The following VAPB variants were observed in gnomAD, a reference collection of about 807,000 sequenced individuals.
VAPB encodes the protein VAMP associated protein B and C, also known as vesicle-associated membrane protein-associated protein B/C.
VAPB carries 7 observed loss-of-function variants against 25.6 expected under a neutral mutation model. The ratio of observed to expected loss-of-function variants is 0.27; its 90% CI spans 0.16 to 0.51. VAPB has a LOEUF of 0.51. VAPB is among the 20% of genes least tolerant of loss of function. The pLI is 0.97. For missense variants in VAPB, 266 were observed against 301.3 expected (o/e 0.88, Z 0.87); for synonymous variants, 112 against 109.2 (o/e 1.03, Z -0.16).
chr20:58,418,941 G>A lies in VAPB; in HGVS notation c.211+578G>A, dbSNP rs1316964964. 3.9e-5 allele frequency among the ~76,000 whole-genome samples: 6 copies of A among 152,324 alleles called. No individual in the cohort carries two copies. In the East Asian group the frequency reaches 1.2e-3, roughly 29 times the overall value. On this transcript the variant is annotated intron_variant, in intron 2 of 5. Coordinates refer to ENST00000475243, the MANE Select transcript of VAPB (RefSeq NM_004738.5). ...TTTTCTCTTCTGTCTGGGAGTGCAT[G>A]TATTTTCCAAAATCCACCTTTTGAA...
chr20:58,414,435 G>C (rs1216807751), intron 1 of VAPB, among the ~76,000 whole-genome samples: 1 of 149,880 alleles, frequency 6.7e-6, no homozygotes, highest in African/African-American at 2.5e-5. Context: ...AGACGGGGCA[G>C]CCGCCGGGCG....
At chr20:58,423,471 A>G (rs956391371) in intron 2 of VAPB, among the ~76,000 whole-genome samples, 3 of 149,428 alleles carry the variant, frequency 2.0e-5, no homozygotes, top group African/African-American at 7.3e-5. Flanking sequence ...TCCTCAGAGC[A>G]TGAACATCAG....
At chr20:58,411,614 G>A (rs1988380929) in intron 1 of VAPB, among the ~76,000 whole-genome samples, 1 of 152,160 alleles carries the variant, frequency 6.6e-6, no homozygotes, top group African/African-American at 2.4e-5. Context: ...TACGTTTTTG[G>A]TGAGGTGGCT....
intron 2 of VAPB, among the ~76,000 whole-genome samples, chr20:58,429,154 T>TTC (rs557087195): frequency 4.6e-5 from 7 of 151,416 alleles, no homozygotes; most frequent in Non-Finnish European, 4.4e-5. Context: ...TTTTTTTTTT[T>TTC]CCAAAGCAGA....
At chr20:58,428,865 T>C (rs1244201228) in intron 2 of VAPB, among the ~76,000 whole-genome samples, 4 of 152,200 alleles carry the variant, frequency 2.6e-5, no homozygotes, top group African/African-American at 9.6e-5. Context: ...GGCCATGTTA[T>C]GCAGGATGTG....
rs541427076 is a variant in VAPB at position 58,445,930 on chromosome 20, G to C, written c.*1695G>C. 7 of 454,052 alleles carry C rather than the reference G, an allele frequency of 1.5e-5. No individual in the cohort carries two copies. Among genetic ancestry groups the C allele is most frequent in the Non-Finnish European group, 2.6e-5 (6 of 226,772 alleles). The allele number at this position is 454,052 out of a possible 1,614,324, so 28.1% of individuals were successfully genotyped here. A position where few individuals can be genotyped will look rare whatever the true frequency, so the allele number is the denominator to read the frequency against. On this transcript the variant is annotated 3_prime_UTR_variant, in exon 6 of 6. Coordinates refer to ENST00000475243, the MANE Select transcript of VAPB (RefSeq NM_004738.5). The stretch of plus-strand genomic sequence containing the variant: ...CAGGTTTGAGAGGACAAGTTCATCA[G>C]AAGGAAGGCAGTCCTTAGAAGTCAC...
At chr20:58,438,370 T>TG (rs1216548922) in intron 3 of VAPB, among the ~76,000 whole-genome samples, 13 of 152,302 alleles carry the variant, frequency 8.5e-5, no homozygotes, top group African/African-American at 3.1e-4. Flanking sequence ...CTCCACCTCC[T>TG]GGGCCCAAGT....
intron 1 of VAPB, among the ~76,000 whole-genome samples, chr20:58,399,340 A>C: frequency 6.6e-6 from 1 of 151,580 alleles, no homozygotes; most frequent in East Asian, 1.9e-4. Context: ...AAAGTGCCTT[A>C]TTATAATTGT....
At position 58,444,385 on chromosome 20, in the gene VAPB, A is replaced by T. The variant is rs1174454127; in HGVS notation, c.*150A>T. ...ATTACCCCTCCCTGCACACACATACACAGATACACACACACAAATATAATG... is the reference window on the plus strand; with the variant it reads ...ATTACCCCTCCCTGCACACACATACTCAGATACACACACACAAATATAATG... On this transcript the variant is annotated 3_prime_UTR_variant, in exon 6 of 6. Transcript: ENST00000475243. The T allele has an allele frequency of 1.0e-6, 1 of 984,574 alleles. No homozygotes were observed. Among genetic ancestry groups the T allele is most frequent in the Non-Finnish European group, 1.6e-6 (1 of 623,538 alleles). 61.0% of individuals were successfully genotyped at this position (984,574 alleles called of 1,614,324 possible).
At chr20:58,435,751 T>C (rs1204314924) in intron 3 of VAPB, among the ~76,000 whole-genome samples, 1 of 152,204 alleles carries the variant, frequency 6.6e-6, no homozygotes, top group East Asian at 1.9e-4. Flanking sequence ...TCAGTGATAA[T>C]AGGCTGTCTT....
intron 2 of VAPB, among the ~76,000 whole-genome samples, chr20:58,427,548 A>G (rs79021175): frequency 9.5e-5 from 14 of 148,128 alleles, no homozygotes; most frequent in East Asian, 2.1e-4. Flanking sequence ...TGATGCAGGC[A>G]AAAGTGATCT....
At chr20:58,411,184 C>T (rs1232712203) in intron 1 of VAPB, among the ~76,000 whole-genome samples, 3 of 152,246 alleles carry the variant, frequency 2.0e-5, no homozygotes, top group African/African-American at 7.2e-5. Context: ...CACATCCTCA[C>T]CAACACTTGG....
chr20:58,389,762 T>A (rs1265202116), intron 1 of VAPB, among the ~76,000 whole-genome samples: 1 of 152,222 alleles, frequency 6.6e-6, no homozygotes, highest in Non-Finnish European at 1.5e-5. Flanking sequence ...CCCAGCCTCC[T>A]GGGACTTGCC....
chr20:58,428,346 A>G (rs1019837201), intron 2 of VAPB, among the ~76,000 whole-genome samples: 1 of 152,208 alleles, frequency 6.6e-6, no homozygotes, highest in Non-Finnish European at 1.5e-5. Flanking sequence ...GTATCAGCAG[A>G]TACATTTTAA....
chr20:58,391,480 G>A (rs146160813), intron 1 of VAPB, among the ~76,000 whole-genome samples: 2 of 152,194 alleles, frequency 1.3e-5, no homozygotes, highest in East Asian at 3.9e-4. Flanking sequence ...AGAGGAAATT[G>A]CATGCACAGA....
At chr20:58,429,549 G>A (rs142376909) in intron 2 of VAPB, among the ~76,000 whole-genome samples, 17 of 152,358 alleles carry the variant, frequency 1.1e-4, no homozygotes, top group Admixed American at 1.0e-3. Flanking sequence ...TAAGGGGGCA[G>A]TATATCTCAG....
intron 2 of VAPB, among the ~76,000 whole-genome samples, chr20:58,421,816 C>T (rs1301165156): frequency 6.6e-6 from 1 of 152,138 alleles, no homozygotes; most frequent in Non-Finnish European, 1.5e-5. Flanking sequence ...GTTTTGAAGG[C>T]ACACAGGTTC....
In VAPB at chr20:58,427,731, A is replaced by G. The variant is rs367704613; in HGVS notation, c.212-6871A>G. Among the ~76,000 whole-genome samples the G allele has an allele frequency of 5.6e-4, 83 of 149,156 alleles. 3 individuals carry two copies. In the East Asian group the frequency reaches 0.016, roughly 29 times the overall value. The stretch of plus-strand genomic sequence containing the variant: ...GATCTGTTACCATTATGATGCAGGC[A>G]GAAGTGATCTGTGATCTGTTACCAT... On this transcript the variant is annotated intron_variant, in intron 2 of 5. Transcript: ENST00000475243.
intron 2 of VAPB, among the ~76,000 whole-genome samples, chr20:58,419,314 T>G (rs767755205): frequency 6.6e-6 from 1 of 152,222 alleles, no homozygotes; most frequent in Non-Finnish European, 1.5e-5. Context: ...CATTATCTGA[T>G]CGTTTCTGCA....
Sources: allele counts gnomAD v4.1 joint callset (sites outside exome capture counted in the v4.1 genomes callset), GRCh38; gene constraint gnomAD v4.1.1; transcripts MANE v1.5; gene names NCBI Gene and HGNC (gene_info 2026-07-23, HGNC 2026-07-21).